PRELID2: variants seen among roughly 807,000 people sequenced by gnomAD.
The protein encoded by PRELID2 is PRELI domain containing 2.
In PRELID2, 25 loss-of-function variants were observed where a neutral mutation model predicts 28.4. The observed-to-expected ratio is 0.88, with a 90% CI of 0.64 to 1.23. The LOEUF is 1.23. PRELID2 is among the 50% of genes most tolerant of loss of function. The probability of loss-of-function intolerance (pLI) is 0.00; values close to 1 mark genes in which losing one functional copy is unlikely to be tolerated. For missense variants in PRELID2, 201 were observed against 214.4 expected (o/e 0.94, Z 0.39); for synonymous variants, 76 against 71.6 (o/e 1.06, Z -0.31).
chr5:145,602,339 G>T (rs1392903855), intron 1 of PRELID2, among the ~76,000 whole-genome samples: 2 of 152,134 alleles, frequency 1.3e-5, no homozygotes, highest in Non-Finnish European at 2.9e-5. Context: ...TAACAGTGAG[G>T]AAAATAAAAA....
the PRELID2 span, among the ~76,000 whole-genome samples, chr5:145,398,961 T>A: frequency 6.6e-6 from 1 of 152,110 alleles, no homozygotes; most frequent in African/African-American, 2.4e-5. Context: ...AATTATGGAA[T>A]CTTTGAGTGA....
At chr5:145,448,042 A>C in the PRELID2 span, among the ~76,000 whole-genome samples, 2 of 152,048 alleles carry the variant, frequency 1.3e-5, no homozygotes, top group African/African-American at 4.8e-5. Context: ...CTGAGGAATC[A>C]CCACACTGAC....
chr5:145,689,380 G>A (rs1346005868), intron 1 of PRELID2, among the ~76,000 whole-genome samples: 3 of 152,230 alleles, frequency 2.0e-5, no homozygotes, highest in Non-Finnish European at 2.9e-5. Flanking sequence ...GCATTGCTAC[G>A]TTACAGAAAC....
chr5:145,728,427 G>A (rs1166619257), intron 1 of PRELID2: 2 of 556,454 alleles, frequency 3.6e-6, no homozygotes, highest in African/African-American at 3.7e-5. Context: ...GCTTCAGCAA[G>A]AGACAAAACA....
intron 1 of PRELID2, among the ~76,000 whole-genome samples, chr5:145,475,929 A>C (rs1752096438): frequency 6.6e-6 from 1 of 152,236 alleles, no homozygotes; most frequent in African/African-American, 2.4e-5. Flanking sequence ...GGTGGACTAA[A>C]GTAGATAAAT....
intron 1 of PRELID2, among the ~76,000 whole-genome samples, chr5:145,570,395 A>G (rs906683663): frequency 2.0e-5 from 3 of 151,830 alleles, no homozygotes; most frequent in Admixed American, 1.3e-4. Context: ...ACTCACTTGA[A>G]CTCTATCTTT....
intron 1 of PRELID2, among the ~76,000 whole-genome samples, chr5:145,615,098 G>A (rs1454471005): frequency 1.3e-5 from 2 of 151,100 alleles, no homozygotes; most frequent in Non-Finnish European, 2.9e-5. Flanking sequence ...AGTGTTAGAT[G>A]CATATATCTT....
At chr5:145,800,445 C>T (rs562757119) in intron 4 of PRELID2, among the ~76,000 whole-genome samples, 1 of 152,158 alleles carries the variant, frequency 6.6e-6, no homozygotes, top group African/African-American at 2.4e-5. Flanking sequence ...ATCCTGGTGA[C>T]ACTAATCTTT....
At chr5:145,811,513 C>G (rs1244369397) in intron 4 of PRELID2, among the ~76,000 whole-genome samples, 1 of 152,128 alleles carries the variant, frequency 6.6e-6, no homozygotes, top group Non-Finnish European at 1.5e-5. Flanking sequence ...TCTCGAACTC[C>G]TGGCCACAAG....
chr5:145,481,623 C>CGAAAAAAA (rs1752160143), intron 1 of PRELID2, among the ~76,000 whole-genome samples: 1 of 41,862 alleles, frequency 2.4e-5, no homozygotes, highest in Non-Finnish European at 3.8e-5. Context: ...GCAAGGAAAT[C>CGAAAAAAA]AAAAAAAAAA....
chr5:145,257,810 G>A, the PRELID2 span, among the ~76,000 whole-genome samples: 1 of 152,128 alleles, frequency 6.6e-6, no homozygotes, highest in East Asian at 1.9e-4. Flanking sequence ...CATATAATAT[G>A]GTTTTCATAC....
chr5:145,741,791 T>C (rs543229414), intron 1 of PRELID2, among the ~76,000 whole-genome samples: 2 of 80,998 alleles, frequency 2.5e-5, no homozygotes, highest in South Asian at 7.3e-4. Flanking sequence ...ATTTATAAAG[T>C]ATTTATATAT....
At chr5:145,515,461 A>C (rs1752507313) in intron 1 of PRELID2, among the ~76,000 whole-genome samples, 1 of 152,198 alleles carries the variant, frequency 6.6e-6, no homozygotes, top group South Asian at 2.1e-4. Flanking sequence ...CAAATCCCTG[A>C]ATAAAACAAT....
the PRELID2 span, among the ~76,000 whole-genome samples, chr5:145,292,894 T>C: frequency 6.6e-6 from 1 of 152,026 alleles, no homozygotes; most frequent in Non-Finnish European, 1.5e-5. Context: ...TTTTTTATTA[T>C]TATTTTTTTT....
the PRELID2 span, among the ~76,000 whole-genome samples, chr5:145,389,244 T>C: frequency 6.6e-6 from 1 of 152,150 alleles, no homozygotes; most frequent in Non-Finnish European, 1.5e-5. Flanking sequence ...ACTGATTGAT[T>C]GATTCAGATT....
the PRELID2 span, among the ~76,000 whole-genome samples, chr5:145,417,551 G>A: frequency 6.6e-6 from 1 of 152,136 alleles, no homozygotes; most frequent in East Asian, 1.9e-4. Flanking sequence ...TATCCACCAT[G>A]ATCAAGTTGG....
At chr5:145,444,051 CG>C in the PRELID2 span, among the ~76,000 whole-genome samples, 127 of 152,124 alleles carry the variant, frequency 8.3e-4, no homozygotes, top group African/African-American at 2.9e-3. Context: ...ATCTTACTGA[CG>C]TCAACATTCA....
At chr5:145,427,668 A>C in the PRELID2 span, among the ~76,000 whole-genome samples, 2 of 151,822 alleles carry the variant, frequency 1.3e-5, no homozygotes, top group African/African-American at 4.8e-5. Context: ...GCCCTCATAG[A>C]GTTTATAATC....
the PRELID2 span, among the ~76,000 whole-genome samples, chr5:145,247,145 T>C: frequency 6.6e-6 from 1 of 152,132 alleles, no homozygotes; most frequent in African/African-American, 2.4e-5. Context: ...ACTCAACCAG[T>C]TCTGTGATCC....
Sources: gnomAD v4.1 joint callset for allele counts (sites outside exome capture counted in the v4.1 genomes callset) on GRCh38, gnomAD v4.1.1 for gene constraint, MANE v1.5 for transcripts, NCBI Gene and HGNC (gene_info 2026-07-23, HGNC 2026-07-21) for gene names.